Variants in TMCC1 observed in about 807,000 individuals in gnomAD.
The protein encoded by TMCC1 is transmembrane and coiled-coil domains protein 1.
In TMCC1, 15 loss-of-function variants were observed where a neutral mutation model predicts 52.4. That is an observed-to-expected ratio of 0.29 (90% CI 0.19 to 0.44). The LOEUF is 0.44. TMCC1 is among the 20% of genes least tolerant of loss of function. The probability of loss-of-function intolerance (pLI) is 1.00; values close to 1 mark genes in which losing one functional copy is unlikely to be tolerated. For synonymous variants in TMCC1, 279 were observed against 301.9 expected (o/e 0.92, Z 0.79); for missense variants, 503 against 806.0 (o/e 0.62, Z 4.55).
At chr3:129,746,834 C>G (rs779497461) in intron 4 of TMCC1, among the ~76,000 whole-genome samples, 13 of 152,304 alleles carry the variant, frequency 8.5e-5, no homozygotes, top group Non-Finnish European at 1.8e-4. Flanking sequence ...CTGAACACAG[C>G]AGGCACTCCA....
At chr3:129,870,668 G>A (rs2060870262) in intron 2 of TMCC1, among the ~76,000 whole-genome samples, 1 of 136,990 alleles carries the variant, frequency 7.3e-6, no homozygotes, top group Non-Finnish European at 1.5e-5. Context: ...GAACCCAGGA[G>A]GCGGAGGTTG....
chr3:129,757,786 T>C (rs1023651954), intron 4 of TMCC1, among the ~76,000 whole-genome samples: 8 of 151,974 alleles, frequency 5.3e-5, no homozygotes, highest in Non-Finnish European at 1.0e-4. Context: ...ACCCAGATTG[T>C]GCCACTGCAG....
intron 1 of TMCC1, among the ~76,000 whole-genome samples, chr3:129,881,912 G>A (rs182042153): frequency 3.9e-5 from 6 of 152,280 alleles, no homozygotes; most frequent in Non-Finnish European, 5.9e-5. Context: ...TGGAATCCGA[G>A]GAGCGATGTG....
rs935016648 is a variant in TMCC1, at chr3:129,688,494, T to C, written c.577-17230A>G. 3 of 985,386 alleles carry C rather than the reference T, an allele frequency of 3.0e-6. No homozygotes were observed. In the African/African-American group the frequency reaches 5.2e-5, roughly 17 times the overall value. The allele number at this position is 985,386 out of a possible 1,614,324, so 61.0% of individuals were successfully genotyped here. A position where few individuals can be genotyped will look rare whatever the true frequency, so the allele number is the denominator to read the frequency against. On this transcript the variant is annotated intron_variant, in intron 4 of 6. Coordinates refer to ENST00000393238, the MANE Select transcript of TMCC1 (RefSeq NM_001017395.5). Reference sequence around the variant, plus strand: ...TCTCACCTTCACAGTCTCAGAGAAGTGACTTTCACAAAACAGGCAGGTACA... The same window carrying C: ...TCTCACCTTCACAGTCTCAGAGAAGCGACTTTCACAAAACAGGCAGGTACA...
chr3:129,826,136 T>C (rs1459015976), intron 4 of TMCC1, among the ~76,000 whole-genome samples: 4 of 152,148 alleles, frequency 2.6e-5, no homozygotes, highest in African/African-American at 7.2e-5. Flanking sequence ...ACAAGGTACA[T>C]AGCTGCACTG....
rs1005600501 is a variant in TMCC1 at position 129,651,600 on chromosome 3, T to A, written c.1843A>T (p.Met615Leu). 1.2e-6 allele frequency: 2 copies of A among 1,614,188 alleles called. No homozygotes were observed. The highest frequency in any genetic ancestry group is 2.2e-5 in the East Asian group (1 of 44,880). Residue 615 changes from methionine to leucine, a missense_variant, in exon 7 of 7, where the codon ATG (methionine) becomes TTG (leucine). Physicochemically the swap from Met to Leu is conservative, Grantham distance 15 (BLOSUM62 2). Coordinates refer to ENST00000393238, the MANE Select transcript of TMCC1 (RefSeq NM_001017395.5). This position sits in a 1 kb window ranked among gnomAD's most constrained non-coding sequence, Gnocchi z 5.1. ...STVANCVVPL[M>L]KTRNRTFSTL... ...CTGAACGTCCTGTTGCGAGTCTTCA[T>A]GAGGGGGACCACACAGTTGGCTACA...
chr3:129,730,370 T>C (rs1294682521), intron 4 of TMCC1, among the ~76,000 whole-genome samples: 1 of 152,204 alleles, frequency 6.6e-6, no homozygotes, highest in Non-Finnish European at 1.5e-5. Context: ...AGTTTTTGCC[T>C]ACAGATTTCT....
intron 2 of TMCC1, among the ~76,000 whole-genome samples, chr3:129,833,968 CAT>C (rs1398474566): frequency 2.0e-5 from 3 of 152,126 alleles, no homozygotes; most frequent in Non-Finnish European, 2.9e-5. Context: ...CCAAATAAAG[CAT>C]ATGACCCTGC....
intron 4 of TMCC1, among the ~76,000 whole-genome samples, chr3:129,816,259 A>G (rs564200923): frequency 1.3e-5 from 2 of 152,322 alleles, no homozygotes; most frequent in African/African-American, 4.8e-5. Context: ...AGAAATCAAG[A>G]TATCAAACAG....
intron 6 of TMCC1, among the ~76,000 whole-genome samples, chr3:129,652,398 TGATGGGAA>T (rs1454429319): frequency 1.3e-5 from 2 of 152,332 alleles, no homozygotes; most frequent in East Asian, 3.9e-4. Flanking sequence ...TTCTTGGCAA[TGATGGGAA>T]AGAGGCTGGA....
chr3:129,882,769 C>T (rs904139866), intron 1 of TMCC1, among the ~76,000 whole-genome samples: 18 of 152,088 alleles, frequency 1.2e-4, no homozygotes, highest in African/African-American at 4.3e-4. Flanking sequence ...AGGAGACAGT[C>T]ACAAAAAGAC....
At chr3:129,774,495 C>T (rs998762418) in intron 4 of TMCC1, among the ~76,000 whole-genome samples, 4 of 152,124 alleles carry the variant, frequency 2.6e-5, no homozygotes, top group Admixed American at 2.6e-4. Flanking sequence ...TGTCCCTGCC[C>T]TCATGAAGCT....
chr3:129,820,875 CTTTTAA>C (rs2058382128), intron 4 of TMCC1, among the ~76,000 whole-genome samples: 4 of 152,198 alleles, frequency 2.6e-5, no homozygotes, highest in Admixed American at 2.6e-4. Context: ...TCACTTCCTA[CTTTTAA>C]GCACTGTTCA....
chr3:129,764,741 G>GTT, intron 4 of TMCC1, among the ~76,000 whole-genome samples: 1 of 3,244 alleles, frequency 3.1e-4, no homozygotes, highest in Non-Finnish European at 7.2e-4. Flanking sequence ...TATTGTGTGT[G>GTT]TGTGTGTGTG....
At chr3:129,817,471 A>C (rs181046289) in intron 4 of TMCC1, among the ~76,000 whole-genome samples, 47 of 152,248 alleles carry the variant, frequency 3.1e-4, no homozygotes, top group African/African-American at 1.1e-3. Flanking sequence ...ATATCTGTGA[A>C]CTTTAAGATC....
intron 4 of TMCC1, among the ~76,000 whole-genome samples, chr3:129,698,579 T>G (rs1240532094): frequency 2.6e-5 from 4 of 152,240 alleles, no homozygotes; most frequent in Non-Finnish European, 1.5e-5. Flanking sequence ...AAATTCTCTG[T>G]GTGCTCAATT....
chr3:129,728,783 T>C (rs1370466739), intron 4 of TMCC1, among the ~76,000 whole-genome samples: 2 of 152,214 alleles, frequency 1.3e-5, no homozygotes, highest in African/African-American at 2.4e-5. Flanking sequence ...TTTTTCACTA[T>C]AGTCCTATCT....
intron 2 of TMCC1, among the ~76,000 whole-genome samples, chr3:129,872,908 C>T (rs1008458973): frequency 4.0e-5 from 6 of 151,336 alleles, no homozygotes; most frequent in South Asian, 4.2e-4. Context: ...ATTTTGTCTA[C>T]GCATGGAATT....
chr3:129,737,568 A>C (rs2051084858), intron 4 of TMCC1, among the ~76,000 whole-genome samples: 1 of 152,152 alleles, frequency 6.6e-6, no homozygotes, highest in Non-Finnish European at 1.5e-5. Flanking sequence ...ATCTATGAGA[A>C]ATAGGCCTTC....
Sources: gnomAD v4.1 joint callset for allele counts (sites outside exome capture counted in the v4.1 genomes callset) on GRCh38, gnomAD v4.1.1 for gene constraint, Gnocchi (gnomAD v3.1) non-coding constraint, MANE v1.5 for transcripts, NCBI Gene and HGNC (gene_info 2026-07-23, HGNC 2026-07-21) for gene names.